The following ATE1 variants were observed in gnomAD, a reference collection of about 807,000 sequenced individuals.
The protein encoded by ATE1 is arginyltransferase 1, also known as arginyl-tRNA--protein transferase 1.
Under a neutral mutation model 70.5 loss-of-function variants are expected in ATE1, and 36 were observed. That is an observed-to-expected ratio of 0.51 (90% CI 0.39 to 0.67). ATE1 has a LOEUF of 0.67. Ranked by LOEUF, ATE1 falls within the 30% of genes least tolerant of loss-of-function variation. The probability of loss-of-function intolerance (pLI) is 0.00; values close to 1 mark genes in which losing one functional copy is unlikely to be tolerated. For synonymous variants in ATE1, 232 were observed against 219.3 expected, an observed-to-expected ratio of 1.06 and a Z score of -0.51; for missense variants, 593 against 629.5, an observed-to-expected ratio of 0.94 and a Z score of 0.62.
chr10:121,790,673 T>C (rs897953594), intron 10 of ATE1, among the ~76,000 whole-genome samples: 4 of 152,230 alleles, frequency 2.6e-5, no homozygotes, highest in Non-Finnish European at 5.9e-5. Context: ...GAGCACTGTA[T>C]AAAGTGAACT....
chr10:121,744,023 T>A (rs1219498), intron 11 of ATE1, among the ~76,000 whole-genome samples, 165 bp from the exon 12 acceptor site: 144,551 of 149,596 alleles, frequency 0.97, 70,007 homozygotes, highest in East Asian at 1. Flanking sequence ...CTCAAGTTAA[T>A]GCGAGTCTCC....
intron 7 of ATE1, among the ~76,000 whole-genome samples, chr10:121,871,525 T>A (rs780726880): frequency 5.3e-5 from 8 of 152,092 alleles, no homozygotes; most frequent in Non-Finnish European, 1.2e-4. Context: ...GACAAGAGAT[T>A]AGGGTTCATT....
At chr10:121,753,405 G>C (rs1245404517) in intron 11 of ATE1, among the ~76,000 whole-genome samples, 1 of 151,982 alleles carries the variant, frequency 6.6e-6, no homozygotes, top group Non-Finnish European at 1.5e-5. Flanking sequence ...AACAACATTG[G>C]CTCCCAAAAG....
At chr10:121,894,121 G>C (rs1950680964) in intron 7 of ATE1, among the ~76,000 whole-genome samples, 1 of 119,558 alleles carries the variant, frequency 8.4e-6, no homozygotes, top group African/African-American at 3.2e-5. Flanking sequence ...TGGGCAACAA[G>C]AGCGAAACTC....
intron 7 of ATE1, among the ~76,000 whole-genome samples, chr10:121,898,099 C>T (rs995300094): frequency 6.6e-6 from 1 of 152,062 alleles, no homozygotes; most frequent in African/African-American, 2.4e-5. Flanking sequence ...TTCCAACATA[C>T]CATGGTTCTA....
chr10:121,794,807 G>A (rs1181303598), intron 10 of ATE1, among the ~76,000 whole-genome samples: 2 of 152,166 alleles, frequency 1.3e-5, no homozygotes, highest in African/African-American at 2.4e-5. Flanking sequence ...CGAGGGTGGA[G>A]ATGGGGGTGA....
chr10:121,777,518 G>A (rs1195270909), intron 11 of ATE1, among the ~76,000 whole-genome samples: 1 of 150,710 alleles, frequency 6.6e-6, no homozygotes, highest in East Asian at 1.9e-4. Context: ...AGTCAAGATA[G>A]AAACCTCTTG....
chr10:121,888,822 G>C (rs1192069149), intron 7 of ATE1, among the ~76,000 whole-genome samples: 1 of 152,048 alleles, frequency 6.6e-6, no homozygotes, highest in East Asian at 1.9e-4. Context: ...TACTACAACA[G>C]GCAAAATAAA....
intron 11 of ATE1, among the ~76,000 whole-genome samples, chr10:121,777,577 G>A (rs918124681): frequency 6.6e-6 from 1 of 152,112 alleles, no homozygotes; most frequent in Admixed American, 6.5e-5. Flanking sequence ...GTGATGCAGG[G>A]GGACACCTGG....
chr10:121,880,545 A>G (rs1223404692), intron 7 of ATE1, among the ~76,000 whole-genome samples: 1 of 150,806 alleles, frequency 6.6e-6, no homozygotes, highest in East Asian at 1.9e-4. Flanking sequence ...TAAATGTCAC[A>G]TAAAAGCCCA....
intron 10 of ATE1, among the ~76,000 whole-genome samples, chr10:121,803,777 A>G (rs1033092334): frequency 2.6e-5 from 4 of 152,232 alleles, no homozygotes; most frequent in Non-Finnish European, 4.4e-5. Context: ...AGCCTTAATC[A>G]TAAAGGTCTG....
chr10:121,770,527 T>C (rs1945468118), intron 11 of ATE1, among the ~76,000 whole-genome samples: 1 of 152,190 alleles, frequency 6.6e-6, no homozygotes, highest in South Asian at 2.1e-4. Flanking sequence ...TTATGTCTCA[T>C]GTTCTTTAAA....
chr10:121,787,479 G>C (rs1946261729), intron 11 of ATE1, among the ~76,000 whole-genome samples: 1 of 152,140 alleles, frequency 6.6e-6, no homozygotes, highest in Non-Finnish European at 1.5e-5. Flanking sequence ...ATTTCAAATA[G>C]TGTCTGGACT....
chr10:121,745,688 C>T (rs1564803278), intron 11 of ATE1, among the ~76,000 whole-genome samples: 1 of 152,108 alleles, frequency 6.6e-6, no homozygotes, highest in Non-Finnish European at 1.5e-5. Context: ...GATGGCATCA[C>T]TGCACTCCAG....
intron 8 of ATE1, among the ~76,000 whole-genome samples, chr10:121,841,951 T>C (rs1948646089): frequency 1.3e-5 from 2 of 152,202 alleles, no homozygotes; most frequent in African/African-American, 4.8e-5. Flanking sequence ...GTTCTTCTAT[T>C]TCACACAAAG....
At chr10:121,919,829 C>T (rs568670551) in intron 3 of ATE1, among the ~76,000 whole-genome samples, 14 of 151,840 alleles carry the variant, frequency 9.2e-5, no homozygotes, top group African/African-American at 3.1e-4. Flanking sequence ...ACCCAGGAGG[C>T]GGACACTGCA....
intron 11 of ATE1, among the ~76,000 whole-genome samples, chr10:121,761,377 A>C (rs115510539): frequency 0.01 from 1,579 of 152,362 alleles, 11 homozygotes; most frequent in African/African-American, 0.027. Flanking sequence ...ACTCTTTATC[A>C]GCAAAAACAT....
Position 121,820,525 on chromosome 10 carries a change from A to T in ATE1, c.1257+16193T>A, listed in dbSNP as rs1361460038. Among the ~76,000 whole-genome samples the T allele has an allele frequency of 1.3e-5, 2 of 152,172 alleles. 1 individual carries two copies. Among genetic ancestry groups the T allele is most frequent in the Non-Finnish European group, 2.9e-5 (2 of 68,028 alleles). ...CTCTTAACTGAATTTCCACAAACAT[A>T]TAATCCTGTTTTAATTAAAGAGGTC... is the stretch of plus-strand genomic sequence containing the variant. On this transcript the variant is annotated intron_variant, in intron 10 of 11. Transcript: ENST00000224652.
chr10:121,848,335 G>A (rs1458849210), intron 8 of ATE1, among the ~76,000 whole-genome samples: 2 of 150,834 alleles, frequency 1.3e-5, no homozygotes, highest in African/African-American at 2.5e-5. Context: ...CTTATTTATC[G>A]GCTGGGTGTG....
Sources: allele counts gnomAD v4.1 joint callset (sites outside exome capture counted in the v4.1 genomes callset), GRCh38; gene constraint gnomAD v4.1.1; transcripts MANE v1.5; gene names NCBI Gene and HGNC (gene_info 2026-07-23, HGNC 2026-07-21).